RELN: variants seen among roughly 807,000 people sequenced by gnomAD.
RELN encodes the protein reelin.
A neutral mutation model predicts 427.6 loss-of-function variants in RELN; 108 were observed. The ratio of observed to expected loss-of-function variants is 0.25; its 90% CI spans 0.22 to 0.30. RELN has a LOEUF of 0.30. RELN is among the 10% of genes least tolerant of loss of function. RELN has a pLI of 1.00. For synonymous variants in RELN, 1,524 were observed against 1,513.4 expected, an observed-to-expected ratio of 1.01 and a Z score of -0.16; for missense variants, 3,715 against 4,302.8, an observed-to-expected ratio of 0.86 and a Z score of 3.82.
chr7:103,739,619 C>T (rs1790588535), intron 6 of RELN, among the ~76,000 whole-genome samples: 1 of 152,218 alleles, frequency 6.6e-6, no homozygotes, highest in Non-Finnish European at 1.5e-5. Context: ...GCTTCATTCT[C>T]ATCAAGGTTG....
chr7:103,988,699 G>A lies in RELN; in HGVS notation c.226+432C>T, dbSNP rs1345292557. Among the ~76,000 whole-genome samples the A allele has an allele frequency of 6.6e-6, 1 of 152,188 alleles. No homozygotes were observed. The highest frequency in any genetic ancestry group is 2.4e-5 in the African/African-American group (1 of 41,452). Reference sequence around the variant, plus strand: ...GCTTCAATCTGTCACCAGCCTGCCCGCAAAGCCCAGCGACAGCCCCCAACG... The same window carrying A: ...GCTTCAATCTGTCACCAGCCTGCCCACAAAGCCCAGCGACAGCCCCCAACG... On this transcript the variant is annotated intron_variant, in intron 1 of 64. Coordinates refer to ENST00000428762, the MANE Select transcript of RELN (RefSeq NM_005045.4). This position sits in a 1 kb window ranked among gnomAD's most constrained non-coding sequence, Gnocchi z 4.9.
chr7:103,545,445 C>G (rs751474331), intron 41 of RELN, 101 bp from the exon 42 acceptor site: 1 of 783,650 alleles, frequency 1.3e-6, no homozygotes, highest in Non-Finnish European at 2.2e-6. Context: ...TCTACCTATG[C>G]TCAACACCCA....
rs1790644578 is a variant in RELN at position 103,741,171 on chromosome 7, G to C, written c.656+8255C>G. On this transcript the variant is annotated intron_variant, in intron 6 of 64. Transcript: ENST00000428762. Reference sequence around the variant, plus strand: ...TAGAAGCTTTGGGAGAGTTAAAACTGCTTATCAGTTTCCAAAACAAACTGG... The same window carrying C: ...TAGAAGCTTTGGGAGAGTTAAAACTCCTTATCAGTTTCCAAAACAAACTGG... Among the ~76,000 whole-genome samples the C allele has an allele frequency of 2.0e-5, 3 of 152,222 alleles. No individual in the cohort carries two copies. In the South Asian group the frequency reaches 6.2e-4, roughly 32 times the overall value.
chr7:103,601,755 G>C (rs1470012838), intron 24 of RELN, among the ~76,000 whole-genome samples: 1 of 152,142 alleles, frequency 6.6e-6, no homozygotes, highest in Non-Finnish European at 1.5e-5. Context: ...ACTGCAGTGA[G>C]GGAGGAGAGA....
intron 3 of RELN, among the ~76,000 whole-genome samples, chr7:103,822,368 T>C (rs1793036183): frequency 6.6e-6 from 1 of 152,160 alleles, no homozygotes; most frequent in East Asian, 1.9e-4. Flanking sequence ...GCAATGTCAT[T>C]TGAATTAGCA....
chr7:103,581,403 C>T (rs1305094612), intron 28 of RELN, among the ~76,000 whole-genome samples: 1 of 152,104 alleles, frequency 6.6e-6, no homozygotes, highest in Non-Finnish European at 1.5e-5. Flanking sequence ...GATTACCTGT[C>T]TTTACAGGTC....
intron 2 of RELN, among the ~76,000 whole-genome samples, chr7:103,905,707 TGA>T (rs1795189397): frequency 6.6e-6 from 1 of 151,616 alleles, no homozygotes; most frequent in Non-Finnish European, 1.5e-5. Flanking sequence ...GGAGTGAAGA[TGA>T]CTTCACAGGA....
At chr7:103,604,831 C>CTTTTTTTTTTT (rs34015200) in intron 22 of RELN, among the ~76,000 whole-genome samples, 1 of 138,722 alleles carries the variant, frequency 7.2e-6, no homozygotes, top group Non-Finnish European at 1.5e-5. Flanking sequence ...ACCTATCTTT[C>CTTTTTTTTTTT]TTTTTTTTTT....
chr7:103,903,287 T>C (rs112792538), intron 2 of RELN, among the ~76,000 whole-genome samples: 2 of 151,780 alleles, frequency 1.3e-5, no homozygotes, highest in South Asian at 2.1e-4. Flanking sequence ...TTTTTTTTTT[T>C]CCTCAATTCG....
At chr7:103,945,208 A>C (rs1584390619) in intron 1 of RELN, among the ~76,000 whole-genome samples, 1 of 152,286 alleles carries the variant, frequency 6.6e-6, no homozygotes, top group South Asian at 2.1e-4. Flanking sequence ...GAACAGCAGA[A>C]CAAAATTGAC....
chr7:103,836,295 G>T (rs1463197327), intron 2 of RELN, among the ~76,000 whole-genome samples: 1 of 151,968 alleles, frequency 6.6e-6, no homozygotes, highest in Non-Finnish European at 1.5e-5. Context: ...TGTCTAATAT[G>T]GTAGCTGCTA....
At position 103,644,189 on chromosome 7, in the gene RELN, T is replaced by G. The variant is rs542172611; in HGVS notation, c.2003-3580A>C. Among the ~76,000 whole-genome samples the G allele has an allele frequency of 3.3e-5, 5 of 151,800 alleles. No individual in the cohort carries two copies. The South Asian group carries it at 1.0e-3, about 32-fold the overall frequency. ...AGATGAGAAGGAAGCAGCAGAACAA[T>G]TCTGGAAGCATGCAAAAACAGAGTG... is the stretch of plus-strand genomic sequence containing the variant. On this transcript the variant is annotated intron_variant, in intron 16 of 64. Transcript: ENST00000428762.
At chr7:103,915,473 A>AG (rs1219608850) in intron 2 of RELN, among the ~76,000 whole-genome samples, 6 of 118,326 alleles carry the variant, frequency 5.1e-5, no homozygotes, top group Non-Finnish European at 1.0e-4. Context: ...TGTTGATTTC[A>AG]AAAAATGATC....
At chr7:103,558,877 C>T (rs1473946553) in intron 36 of RELN, among the ~76,000 whole-genome samples, 1 of 152,140 alleles carries the variant, frequency 6.6e-6, no homozygotes, top group Non-Finnish European at 1.5e-5. Flanking sequence ...AATAAGTGGA[C>T]ATTGTCACTG....
chr7:103,894,424 G>C (rs1046543576), intron 2 of RELN, among the ~76,000 whole-genome samples: 1 of 152,144 alleles, frequency 6.6e-6, no homozygotes, highest in Non-Finnish European at 1.5e-5. Context: ...CTCAAGCAGT[G>C]CATATTAAAT....
intron 28 of RELN, among the ~76,000 whole-genome samples, chr7:103,576,271 C>T (rs574420256): frequency 6.6e-6 from 1 of 152,216 alleles, no homozygotes; most frequent in Admixed American, 6.5e-5. Context: ...TCCCGAGTAG[C>T]TGAGATTACA....
At chr7:103,836,668 C>T (rs753275710) in intron 2 of RELN, among the ~76,000 whole-genome samples, 1 of 152,178 alleles carries the variant, frequency 6.6e-6, no homozygotes, top group Non-Finnish European at 1.5e-5. Context: ...AATGCTCTCT[C>T]TCCTCAACTG....
Position 103,823,002 on chromosome 7 carries a change from C to T in RELN, c.473+10535G>A, listed in dbSNP as rs992741896. On this transcript the variant is annotated intron_variant, in intron 3 of 64. Coordinates refer to ENST00000428762, the MANE Select transcript of RELN (RefSeq NM_005045.4). Reference sequence around the variant, plus strand: ...ACCTGCAATTGAAATACTAGAAATACGTACTCAGTATTCTGCCACCTGAAA... The same window carrying T: ...ACCTGCAATTGAAATACTAGAAATATGTACTCAGTATTCTGCCACCTGAAA... Among the ~76,000 whole-genome samples, 42 of 152,018 alleles carry T rather than the reference C, an allele frequency of 2.8e-4. 1 individual carries two copies. The highest frequency in any genetic ancestry group is 2.7e-3 in the Admixed American group (41 of 15,236).
chr7:103,477,868 T>TA (rs1389519441), intron 64 of RELN, among the ~76,000 whole-genome samples: 1 of 152,236 alleles, frequency 6.6e-6, no homozygotes, highest in Non-Finnish European at 1.5e-5. Flanking sequence ...TCCTAAGTAT[T>TA]ATGAATACAT....
Sources: allele counts gnomAD v4.1 joint callset (sites outside exome capture counted in the v4.1 genomes callset), GRCh38; gene constraint gnomAD v4.1.1; non-coding constraint Gnocchi (gnomAD v3.1); transcripts MANE v1.5; gene names NCBI Gene and HGNC (gene_info 2026-07-23, HGNC 2026-07-21).